The following DLGAP1 variants were observed in gnomAD, a reference collection of about 807,000 sequenced individuals.
DLGAP1 encodes DLG associated protein 1, also known as disks large-associated protein 1.
Under a neutral mutation model 90.8 loss-of-function variants are expected in DLGAP1, and 11 were observed. That is an observed-to-expected ratio of 0.12 (90% CI 0.08 to 0.20). DLGAP1 has a LOEUF of 0.20. Ranked by LOEUF, DLGAP1 falls within the 10% of genes least tolerant of loss-of-function variation. The pLI, the probability that DLGAP1 is intolerant of heterozygous loss-of-function variation, is 1.00. For synonymous variants in DLGAP1, 558 were observed against 540.7 expected, an observed-to-expected ratio of 1.03 and a Z score of -0.44; for missense variants, 1,050 against 1,333.8, an observed-to-expected ratio of 0.79 and a Z score of 3.31.
At chr18:4,094,419 T>G (rs1443127493) in intron 2 of DLGAP1, among the ~76,000 whole-genome samples, 1 of 152,156 alleles carries the variant, frequency 6.6e-6, no homozygotes, top group East Asian at 1.9e-4. Flanking sequence ...TGTATCTTTA[T>G]CTTGCATTTC....
intron 3 of DLGAP1, among the ~76,000 whole-genome samples, chr18:3,939,945 C>T (rs1220554480): frequency 6.6e-6 from 1 of 152,184 alleles, no homozygotes; most frequent in African/African-American, 2.4e-5. Context: ...CCTCAACAAT[C>T]ACTGCCTCCT....
At chr18:4,204,513 T>G (rs929084419) in intron 1 of DLGAP1, among the ~76,000 whole-genome samples, 8 of 151,632 alleles carry the variant, frequency 5.3e-5, no homozygotes, top group Non-Finnish European at 7.4e-5. Context: ...TTGTGGTTTT[T>G]TTTTTGTTTT....
At chr18:4,389,621 A>C (rs745567965) in intron 1 of DLGAP1, among the ~76,000 whole-genome samples, 9 of 152,146 alleles carry the variant, frequency 5.9e-5, no homozygotes, top group Non-Finnish European at 1.0e-4. Context: ...AATGATTTTT[A>C]TTTTCTTCTT....
chr18:3,684,471 A>G (rs551580165), intron 7 of DLGAP1, among the ~76,000 whole-genome samples: 26 of 150,140 alleles, frequency 1.7e-4, no homozygotes, highest in Middle Eastern at 7.0e-3. Context: ...AAGTGCTGGG[A>G]TGAAAGATGT....
intron 2 of DLGAP1, among the ~76,000 whole-genome samples, chr18:4,027,257 G>T (rs1482642101): frequency 6.6e-6 from 1 of 151,948 alleles, no homozygotes; most frequent in Non-Finnish European, 1.5e-5. Flanking sequence ...TATAATCCCA[G>T]CACTTTGGGA....
At chr18:4,206,969 T>C (rs2077732879) in intron 1 of DLGAP1, among the ~76,000 whole-genome samples, 1 of 152,102 alleles carries the variant, frequency 6.6e-6, no homozygotes, top group Non-Finnish European at 1.5e-5. Flanking sequence ...GACCAAGACA[T>C]TGAAGTTACA....
rs150305242 is a variant in DLGAP1, at chr18:4,144,450, C to T, written c.-159+6730G>A. Among the ~76,000 whole-genome samples, 636 of 152,232 alleles carry T rather than the reference C, an allele frequency of 4.2e-3. 4 individuals are homozygous for T. Among genetic ancestry groups the T allele is most frequent in the African/African-American group, 0.014 (592 of 41,528 alleles). On this transcript the variant is annotated intron_variant, in intron 2 of 12. Coordinates refer to ENST00000315677, the MANE Select transcript of DLGAP1 (RefSeq NM_004746.4). ...GTGTTCTCCCTCCCCCCAGGCACAC[C>T]GATTTCCTCTCTGAGCCACAGGGCC... is the stretch of plus-strand genomic sequence containing the variant.
chr18:3,581,726 G>T, intron 8 of DLGAP1, 149 bp downstream of exon 8: 1 of 904,530 alleles, frequency 1.1e-6, no homozygotes, highest in Non-Finnish European at 1.7e-6. Flanking sequence ...ACAGTATACG[G>T]AGTCCACAGC....
intron 1 of DLGAP1, among the ~76,000 whole-genome samples, chr18:4,311,472 G>A (rs950929228): frequency 2.0e-5 from 3 of 152,118 alleles, no homozygotes; most frequent in Admixed American, 6.5e-5. Flanking sequence ...TTTGTGAAAT[G>A]TTAATACCAG....
intron 1 of DLGAP1, among the ~76,000 whole-genome samples, chr18:4,423,037 T>C (rs1461375369): frequency 1.3e-5 from 2 of 152,154 alleles, no homozygotes; most frequent in African/African-American, 4.8e-5. Flanking sequence ...ATATTTTTAT[T>C]TATATATACC....
rs78268761 is a variant in DLGAP1, at chr18:4,086,166, C to T, written c.-159+65014G>A. On this transcript the variant is annotated intron_variant, in intron 2 of 12. Transcript: ENST00000315677. ...AGAGCAGGATAAGCATGTGGTAGGACGGGAGTGGGGTGATGAAGGACTTTG... is the reference window on the plus strand; with the variant it reads ...AGAGCAGGATAAGCATGTGGTAGGATGGGAGTGGGGTGATGAAGGACTTTG... Among the ~76,000 whole-genome samples the T allele has an allele frequency of 9.5e-4, 144 of 152,038 alleles. 2 individuals are homozygous for T. The East Asian group carries it at 0.025, about 26-fold the overall frequency.
intron 2 of DLGAP1, among the ~76,000 whole-genome samples, chr18:4,053,496 G>T (rs189829570): frequency 6.6e-6 from 1 of 152,230 alleles, no homozygotes; most frequent in East Asian, 1.9e-4. Context: ...AGAAGATTTG[G>T]GTGGGGACAC....
chr18:3,818,360 T>C (rs936983539), intron 4 of DLGAP1, among the ~76,000 whole-genome samples: 1 of 139,512 alleles, frequency 7.2e-6, no homozygotes, highest in Non-Finnish European at 1.5e-5. Context: ...TTTTTTTTTT[T>C]TTTTTTTTTT....
chr18:4,197,391 A>G (rs2077521238), intron 1 of DLGAP1, among the ~76,000 whole-genome samples: 1 of 151,988 alleles, frequency 6.6e-6, no homozygotes, highest in South Asian at 2.1e-4. Context: ...TTTAGCAAAA[A>G]TTGGTTGATT....
intron 4 of DLGAP1, among the ~76,000 whole-genome samples, chr18:3,833,182 C>A (rs1442421859): frequency 0.051 from 1,318 of 25,964 alleles, 190 homozygotes; most frequent in African/African-American, 0.13. Context: ...TCCTTCCTTC[C>A]TTCCTTCCTT....
chr18:3,632,809 T>A (rs1204015399), intron 7 of DLGAP1, among the ~76,000 whole-genome samples: 4 of 152,022 alleles, frequency 2.6e-5, no homozygotes, highest in African/African-American at 7.3e-5. Context: ...TGGCTTGAAG[T>A]TTTTTGGACC....
chr18:4,285,096 G>A (rs945806211), intron 1 of DLGAP1, among the ~76,000 whole-genome samples: 1 of 144,100 alleles, frequency 6.9e-6, no homozygotes, highest in East Asian at 2.1e-4. Context: ...CATTATTTTT[G>A]CCAGAGTTGG....
chr18:4,410,747 T>C (rs1007075167), intron 1 of DLGAP1, among the ~76,000 whole-genome samples: 1 of 151,426 alleles, frequency 6.6e-6, no homozygotes, highest in African/African-American at 2.4e-5. Flanking sequence ...ACAAAAGCAA[T>C]CAAAAAAGTT....
intron 1 of DLGAP1, among the ~76,000 whole-genome samples, chr18:4,160,456 C>T (rs1228221716): frequency 6.6e-6 from 1 of 151,460 alleles, no homozygotes; most frequent in East Asian, 1.9e-4. Flanking sequence ...TTATTGAGTA[C>T]ATTCTATATG....
Sources: allele counts gnomAD v4.1 joint callset (sites outside exome capture counted in the v4.1 genomes callset), GRCh38; gene constraint gnomAD v4.1.1; transcripts MANE v1.5; gene names NCBI Gene and HGNC (gene_info 2026-07-23, HGNC 2026-07-21).